IFT25: variants seen among roughly 807,000 people sequenced by gnomAD.
The protein encoded by IFT25 is intraflagellar transport 25.
chr1:53,913,694 A>G, the IFT25 span, among the ~76,000 whole-genome samples: 1 of 152,164 alleles, frequency 6.6e-6, no homozygotes, highest in African/African-American at 2.4e-5. Context: ...CATATGTTGA[A>G]GATTTAACCT....
At chr1:53,923,799 C>A in the IFT25 span, 2 of 763,162 alleles carry the variant, frequency 2.6e-6, no homozygotes, top group Non-Finnish European at 2.3e-6. Context: ...AGGTACAAAC[C>A]TATAATATCA....
chr1:53,919,795 C>CTT, the IFT25 span, among the ~76,000 whole-genome samples: 1 of 136,050 alleles, frequency 7.4e-6, no homozygotes, highest in Non-Finnish European at 1.5e-5. Context: ...TAACTTTTTT[C>CTT]CTTTTTTTTT....
the IFT25 span, among the ~76,000 whole-genome samples, chr1:53,935,691 A>G: frequency 1.3e-5 from 2 of 151,040 alleles, no homozygotes; most frequent in East Asian, 3.9e-4. Context: ...GTACAGTGGC[A>G]CAAACTTCTG....
chr1:53,933,182 C>G, the IFT25 span, among the ~76,000 whole-genome samples: 1 of 147,222 alleles, frequency 6.8e-6, no homozygotes, highest in African/African-American at 2.6e-5. Flanking sequence ...GTCGCCCAGG[C>G]TGGAGCGCAG....
At chr1:53,925,855 C>G in the IFT25 span, among the ~76,000 whole-genome samples, 1 of 150,950 alleles carries the variant, frequency 6.6e-6, no homozygotes, top group African/African-American at 2.4e-5. Context: ...AATACCAGCA[C>G]TATGGGAAGC....
chr1:53,928,374 T>G, the IFT25 span: 33 of 1,610,256 alleles, frequency 2.0e-5, no homozygotes, highest in Admixed American at 3.3e-5. Context: ...ACACATACCT[T>G]TTTCAATCCA....
At chr1:53,942,549 C>T in the IFT25 span, among the ~76,000 whole-genome samples, 1 of 152,202 alleles carries the variant, frequency 6.6e-6, no homozygotes, top group Admixed American at 6.5e-5. Flanking sequence ...GAAATATTTA[C>T]TATTTGGCCC....
the IFT25 span, chr1:53,923,991 T>C: frequency 2.5e-6 from 3 of 1,191,114 alleles, no homozygotes; most frequent in African/African-American, 1.5e-5. Context: ...AGGGTCAAAA[T>C]ACATGAGAAT....
chr1:53,912,092 G>A, the IFT25 span, among the ~76,000 whole-genome samples: 1 of 152,148 alleles, frequency 6.6e-6, no homozygotes, highest in African/African-American at 2.4e-5. Context: ...CTGTGACAAT[G>A]ATGGGACTGA....
the IFT25 span, among the ~76,000 whole-genome samples, chr1:53,931,234 C>A: frequency 1.3e-5 from 2 of 152,162 alleles, no homozygotes; most frequent in Non-Finnish European, 2.9e-5. Context: ...CTATTAGGAA[C>A]AAAGCTGCTC....
the IFT25 span, among the ~76,000 whole-genome samples, chr1:53,934,065 G>A: frequency 2.0e-5 from 3 of 151,992 alleles, no homozygotes; most frequent in Admixed American, 2.0e-4. Flanking sequence ...GGAAAAAAAG[G>A]CAGTCTTTTA....
At chr1:53,936,838 C>T in the IFT25 span, among the ~76,000 whole-genome samples, 2 of 151,714 alleles carry the variant, frequency 1.3e-5, no homozygotes, top group Non-Finnish European at 2.9e-5. Flanking sequence ...TAAACACAAA[C>T]GGCAGAGGAA....
the IFT25 span, among the ~76,000 whole-genome samples, chr1:53,920,881 T>C: frequency 6.8e-6 from 1 of 147,376 alleles, no homozygotes; most frequent in African/African-American, 2.5e-5. Flanking sequence ...CCAGAACAAA[T>C]AAAAGTAAAG....
chr1:53,915,551 C>T, the IFT25 span, among the ~76,000 whole-genome samples: 24 of 152,202 alleles, frequency 1.6e-4, no homozygotes, highest in East Asian at 5.8e-4. Flanking sequence ...AGGGTGACTG[C>T]GTCAGGTCCC....
the IFT25 span, among the ~76,000 whole-genome samples, chr1:53,943,932 T>G: frequency 6.6e-6 from 1 of 152,192 alleles, no homozygotes; most frequent in Non-Finnish European, 1.5e-5. Context: ...GATAACTTGT[T>G]TTTTAAAAGA....
chr1:53,938,812 C>A, the IFT25 span, among the ~76,000 whole-genome samples: 1 of 152,094 alleles, frequency 6.6e-6, no homozygotes, highest in Non-Finnish European at 1.5e-5. Flanking sequence ...AGGGGGCTCA[C>A]GCCTGTAATC....
At chr1:53,919,232 C>G in the IFT25 span, among the ~76,000 whole-genome samples, 2 of 152,162 alleles carry the variant, frequency 1.3e-5, no homozygotes, top group East Asian at 3.8e-4. Context: ...GGCAAGCAGA[C>G]AACAGCAAAT....
chr1:53,942,962 A>T, the IFT25 span, among the ~76,000 whole-genome samples: 2,716 of 152,332 alleles, frequency 0.018, 87 homozygotes, highest in African/African-American at 0.062. Flanking sequence ...GGAGGAGAGT[A>T]AAAAGTTCAT....
the IFT25 span, among the ~76,000 whole-genome samples, chr1:53,912,017 T>A: frequency 6.6e-6 from 1 of 152,160 alleles, no homozygotes; most frequent in South Asian, 2.1e-4. Flanking sequence ...AAATTCCCCA[T>A]CCTACCAAAG....
Sources: allele counts gnomAD v4.1 joint callset (sites outside exome capture counted in the v4.1 genomes callset), GRCh38; gene constraint gnomAD v4.1.1; transcripts MANE v1.5; gene names NCBI Gene and HGNC (gene_info 2026-07-23, HGNC 2026-07-21).